Variants in LTBP1 observed in about 807,000 individuals in gnomAD.
LTBP1 encodes latent-transforming growth factor beta-binding protein 1.
LTBP1 carries 129 observed loss-of-function variants against 207.6 expected under a neutral mutation model. The observed-to-expected ratio is 0.62, with a 90% CI of 0.54 to 0.72. The LOEUF is 0.72. Among genes scored for constraint, LTBP1 ranks in the 30% least tolerant of loss-of-function variants. The pLI is 0.00. For synonymous variants in LTBP1, 963 were observed against 833.7 expected (o/e 1.16, Z -2.67); for missense variants, 2,281 against 2,217.2 (o/e 1.03, Z -0.58).
In LTBP1 at chr2:33,318,644, T is replaced by C. The variant is rs183687833; in HGVS notation, c.3730+3375T>C. ...TTGCAGGGGAACAGGACTCTTCTGA[T>C]TGACTTCTGCTACACTTCCCTTTCC... On this transcript the variant is annotated intron_variant, in intron 24 of 33. Coordinates refer to ENST00000404816, the MANE Select transcript of LTBP1 (RefSeq NM_206943.4). 1.7e-3 allele frequency among the ~76,000 whole-genome samples: 255 copies of C among 152,328 alleles called. 1 individual carries two copies. Among genetic ancestry groups the C allele is most frequent in the African/African-American group, 5.7e-3 (239 of 41,584 alleles).
At chr2:33,381,777 G>GT (rs780597036) in intron 31 of LTBP1, among the ~76,000 whole-genome samples, 3 of 152,102 alleles carry the variant, frequency 2.0e-5, no homozygotes, top group African/African-American at 4.8e-5. Context: ...TTTTCCCAGG[G>GT]TTTCAAAAGG....
intron 13 of LTBP1, 30 bp downstream of exon 13, chr2:33,259,640 T>C: frequency 6.3e-7 from 1 of 1,590,798 alleles, no homozygotes; most frequent in African/African-American, 1.4e-5. Context: ...CAAGTCTTTT[T>C]TTTTCAACGC....
rs779168923 is a variant in LTBP1 at position 32,975,583 on chromosome 2, G to GTTTTTTT, written c.565+26670_565+26676dup. Among the ~76,000 whole-genome samples the GTTTTTTT allele has an allele frequency of 5.7e-4, 18 of 31,380 alleles. 4 individuals carry two copies. The highest frequency in any genetic ancestry group is 1.6e-3 in the African/African-American group (12 of 7,286). The allele number at this position is 31,380 out of a possible 152,430, so 20.6% of individuals were successfully genotyped here. ...TTGTTGGAGGTTTCATTCATTCTTTGTTTTTTTTTTTTTTTTTTTTTTTTT... is the reference window on the plus strand; with the variant it reads ...TTGTTGGAGGTTTCATTCATTCTTTGTTTTTTTTTTTTTTTTTTTTTTTTTTTTTTTT... On this transcript the variant is annotated intron_variant, in intron 2 of 33. Transcript: ENST00000404816.
At chr2:33,047,782 A>G (rs1001583170) in intron 3 of LTBP1, among the ~76,000 whole-genome samples, 1 of 152,196 alleles carries the variant, frequency 6.6e-6, no homozygotes, top group Non-Finnish European at 1.5e-5. Context: ...AACTTGCTTT[A>G]TGAATCTGGG....
intron 7 of LTBP1, among the ~76,000 whole-genome samples, chr2:33,208,212 A>G (rs1294458339): frequency 6.6e-6 from 1 of 152,218 alleles, no homozygotes; most frequent in African/African-American, 2.4e-5. Context: ...TGGCACCTGC[A>G]TGGGTGGAAT....
intron 2 of LTBP1, among the ~76,000 whole-genome samples, chr2:32,974,605 T>A (rs1681422875): frequency 6.6e-6 from 1 of 152,184 alleles, no homozygotes. Context: ...TCCATTTTGC[T>A]TTGGTTGTTT....
chr2:32,952,681 G>GCCCT (rs1362597175), intron 2 of LTBP1, among the ~76,000 whole-genome samples: 1 of 151,970 alleles, frequency 6.6e-6, no homozygotes, highest in Non-Finnish European at 1.5e-5. Flanking sequence ...CTCCCCCCAT[G>GCCCT]CCCTGCATTG....
At chr2:33,227,570 A>T (rs1558847888) in intron 9 of LTBP1, among the ~76,000 whole-genome samples, 1 of 152,064 alleles carries the variant, frequency 6.6e-6, no homozygotes, top group Non-Finnish European at 1.5e-5. Flanking sequence ...AGTGAAAACC[A>T]CCATGACAGT....
chr2:33,124,294 C>T (rs1338418797), intron 4 of LTBP1, among the ~76,000 whole-genome samples: 1 of 152,114 alleles, frequency 6.6e-6, no homozygotes, highest in East Asian at 1.9e-4. Flanking sequence ...TCTGTAATCC[C>T]AGCTACTTGG....
In LTBP1 at chr2:33,359,309, G is replaced by C. The variant is rs186960145; in HGVS notation, c.4001-1288G>C. 1.8e-3 allele frequency among the ~76,000 whole-genome samples: 279 copies of C among 152,260 alleles called. 7 individuals are homozygous for C. The highest frequency in any genetic ancestry group is 0.013 in the Admixed American group (201 of 15,300). Reference sequence around the variant, plus strand: ...AGAAGAGGAAAGAGAAAGGGCAGTAGCTTTTCGGATAGAATTTTATGAGTT... The same window carrying C: ...AGAAGAGGAAAGAGAAAGGGCAGTACCTTTTCGGATAGAATTTTATGAGTT... On this transcript the variant is annotated intron_variant, in intron 26 of 33. Transcript: ENST00000404816.
chr2:33,016,244 T>C lies in LTBP1; in HGVS notation c.566-4665T>C, dbSNP rs72869628. The stretch of plus-strand genomic sequence containing the variant: ...GTGAGCTTCTGCAGGGGTAGACCAG[T>C]GAGAAGTGAGGGTGGAAAAGGGGGT... On this transcript the variant is annotated intron_variant, in intron 2 of 33. Coordinates refer to ENST00000404816, the MANE Select transcript of LTBP1 (RefSeq NM_206943.4). Among the ~76,000 whole-genome samples, 617 of 151,940 alleles carry C rather than the reference T, an allele frequency of 4.1e-3. 3 individuals are homozygous for C. The highest frequency in any genetic ancestry group is 0.014 in the African/African-American group (591 of 41,388).
intron 22 of LTBP1, among the ~76,000 whole-genome samples, chr2:33,306,476 A>G (rs990995876): frequency 1.3e-5 from 2 of 152,072 alleles, no homozygotes; most frequent in Non-Finnish European, 2.9e-5. Flanking sequence ...AGGCTGAGGC[A>G]GGAGAATCGC....
rs35604414 is a variant in LTBP1 at position 33,052,879 on chromosome 2, C to CT, written c.863+31685dup. On this transcript the variant is annotated intron_variant, in intron 3 of 33. Coordinates refer to ENST00000404816, the MANE Select transcript of LTBP1 (RefSeq NM_206943.4). ...ATCAAAATATAGTTTTTAAAACAGG[C>CT]TTTTTTTTTTTTGAGATGGAGTCTC... Among the ~76,000 whole-genome samples, 642 of 146,758 alleles carry CT rather than the reference C, an allele frequency of 4.4e-3. 7 individuals carry two copies. Among genetic ancestry groups the CT allele is most frequent in the African/African-American group, 0.014 (566 of 40,088 alleles).
chr2:33,262,596 A>G (rs2093048791), intron 13 of LTBP1, 126 bp from the exon 14 acceptor site: 1 of 387,464 alleles, frequency 2.6e-6, no homozygotes, highest in Non-Finnish European at 4.6e-6. Context: ...AGGTCCTATG[A>G]TATTTCTTTG....
chr2:33,018,166 AC>A (rs1688649933), intron 2 of LTBP1, among the ~76,000 whole-genome samples: 1 of 149,954 alleles, frequency 6.7e-6, no homozygotes, highest in African/African-American at 2.5e-5. Flanking sequence ...TTTTTTTTTA[AC>A]TTTTATGACT....
chr2:33,159,066 G>A (rs1202198607), intron 5 of LTBP1, among the ~76,000 whole-genome samples: 2 of 152,120 alleles, frequency 1.3e-5, no homozygotes, highest in South Asian at 2.1e-4. Flanking sequence ...GGAATGCAGG[G>A]GGCCTAGGGT....
intron 5 of LTBP1, among the ~76,000 whole-genome samples, chr2:33,185,721 A>G (rs1234228168): frequency 6.6e-6 from 1 of 152,232 alleles, no homozygotes; most frequent in Non-Finnish European, 1.5e-5. Flanking sequence ...GAAACCATTC[A>G]TGACCCTAGC....
intron 24 of LTBP1, among the ~76,000 whole-genome samples, chr2:33,329,195 G>A (rs2094465405): frequency 6.6e-6 from 1 of 152,074 alleles, no homozygotes; most frequent in African/African-American, 2.4e-5. Flanking sequence ...TCCTCTTAAG[G>A]TTTAGCCATA....
intron 24 of LTBP1, among the ~76,000 whole-genome samples, chr2:33,337,021 T>G (rs2094560950): frequency 6.6e-6 from 1 of 152,246 alleles, no homozygotes; most frequent in African/African-American, 2.4e-5. Context: ...AAAACGATTT[T>G]AATTTTTTGG....
Sources: allele counts gnomAD v4.1 joint callset (sites outside exome capture counted in the v4.1 genomes callset), GRCh38; gene constraint gnomAD v4.1.1; transcripts MANE v1.5; gene names NCBI Gene and HGNC (gene_info 2026-07-23, HGNC 2026-07-21).